Variants in MALRD1 observed in about 807,000 individuals in gnomAD.
The protein encoded by MALRD1 is MAM and LDL-receptor class A domain-containing protein 1.
Under a neutral mutation model 242.1 loss-of-function variants are expected in MALRD1, and 247 were observed. The observed-to-expected ratio is 1.02, with a 90% CI of 0.92 to 1.13. The LOEUF (loss-of-function observed/expected upper bound fraction) is 1.13. Ranked by LOEUF, MALRD1 falls within the 50% of genes most tolerant of loss-of-function variation. The pLI is 0.00. For synonymous variants in MALRD1, 995 were observed against 866.6 expected (o/e 1.15, Z -2.60); for missense variants, 2,989 against 2,533.1 (o/e 1.18, Z -3.86).
chr10:19,116,406 C>T (rs1016610611), intron 5 of MALRD1, among the ~76,000 whole-genome samples: 1 of 152,170 alleles, frequency 6.6e-6, no homozygotes, highest in African/African-American at 2.4e-5. Context: ...AGTTAAATAA[C>T]TAAGGACCTT....
intron 28 of MALRD1, among the ~76,000 whole-genome samples, chr10:19,446,841 A>G (rs1835010764): frequency 6.6e-6 from 1 of 152,110 alleles, no homozygotes; most frequent in South Asian, 2.1e-4. Context: ...GGGTATTGAG[A>G]TTAAAATCTG....
intron 31 of MALRD1, among the ~76,000 whole-genome samples, chr10:19,498,895 C>T (rs1033466966): frequency 6.6e-6 from 1 of 152,102 alleles, no homozygotes; most frequent in African/African-American, 2.4e-5. Context: ...ACTCACTCTA[C>T]CCTAAGGGTG....
At chr10:19,122,048 G>T (rs535104541) in intron 5 of MALRD1, among the ~76,000 whole-genome samples, 2 of 152,218 alleles carry the variant, frequency 1.3e-5, no homozygotes, top group Non-Finnish European at 2.9e-5. Flanking sequence ...CAGCTGCACA[G>T]ATACAGGCTA....
At chr10:19,227,691 A>C (rs1235140965) in intron 18 of MALRD1, among the ~76,000 whole-genome samples, 1 of 152,140 alleles carries the variant, frequency 6.6e-6, no homozygotes, top group Non-Finnish European at 1.5e-5. Flanking sequence ...GGGACAGAAT[A>C]ATTTTAAATA....
intron 31 of MALRD1, among the ~76,000 whole-genome samples, chr10:19,508,184 T>G (rs1833228736): frequency 1.3e-5 from 2 of 152,274 alleles, no homozygotes; most frequent in Admixed American, 6.5e-5. Context: ...CTTTCATTAG[T>G]GTTTTTACTT....
At chr10:19,508,942 T>C (rs545134773) in intron 31 of MALRD1, among the ~76,000 whole-genome samples, 85 of 152,290 alleles carry the variant, frequency 5.6e-4, no homozygotes, top group Middle Eastern at 6.8e-3. Flanking sequence ...CTTTTACTTA[T>C]AAATTTACAC....
chr10:19,670,879 A>T lies in MALRD1; in HGVS notation c.6138-21403A>T, dbSNP rs564704563. Among the ~76,000 whole-genome samples the T allele has an allele frequency of 2.5e-3, 338 of 134,260 alleles. 3 individuals carry two copies. Among genetic ancestry groups the T allele is most frequent in the African/African-American group, 8.6e-3 (307 of 35,704 alleles). The allele number at this position is 134,260 out of a possible 152,430, so 88.1% of individuals were successfully genotyped here. On this transcript the variant is annotated intron_variant, in intron 36 of 39. Coordinates refer to ENST00000454679, the MANE Select transcript of MALRD1 (RefSeq NM_001142308.3). ...ATCTTTATTTCTCAACAAAACAATC[A>T]TTTTTTTTTTTTTTTTTGAGATGGA...
intron 29 of MALRD1, among the ~76,000 whole-genome samples, chr10:19,482,983 C>T (rs1837075284): frequency 6.6e-6 from 1 of 151,836 alleles, no homozygotes. Context: ...CCCAAATAGC[C>T]AGAGTAATCC....
intron 32 of MALRD1, among the ~76,000 whole-genome samples, chr10:19,559,262 T>A (rs1025364029): frequency 5.9e-5 from 9 of 151,960 alleles, no homozygotes; most frequent in Admixed American, 5.9e-4. Context: ...GATGGTTCTT[T>A]TGTCATTTTC....
chr10:19,386,730 A>ACG (rs933109400), intron 26 of MALRD1, among the ~76,000 whole-genome samples: 29 of 149,774 alleles, frequency 1.9e-4, no homozygotes, highest in African/African-American at 7.3e-4. Context: ...ATACACACAC[A>ACG]CACACACACA....
rs1347230914 is a variant in MALRD1 at position 19,607,763 on chromosome 10, T to G, written c.5945-14T>G. The G allele has an allele frequency of 8.6e-7, 1 of 1,165,464 alleles. No individual in the cohort carries two copies. The allele number at this position is 1,165,464 out of a possible 1,614,324, so 72.2% of individuals were successfully genotyped here. A position where few individuals can be genotyped will look rare whatever the true frequency, so the allele number is the denominator to read the frequency against. On this transcript the variant is annotated splice_polypyrimidine_tract_variant and intron_variant, in intron 34 of 39. Coordinates refer to ENST00000454679, the MANE Select transcript of MALRD1 (RefSeq NM_001142308.3). ...ATGCTGGCATCCCTGATCATTATTC[T>G]TTTTTTTTTGCAGCCAACAAAAGCT...
At chr10:19,122,838 G>C (rs978808823) in intron 5 of MALRD1, among the ~76,000 whole-genome samples, 7 of 152,184 alleles carry the variant, frequency 4.6e-5, no homozygotes, top group African/African-American at 1.7e-4. Context: ...CAATTCTCCT[G>C]CCTCAGCCTC....
chr10:19,380,157 T>G (rs1053607738), intron 26 of MALRD1, among the ~76,000 whole-genome samples: 3 of 151,722 alleles, frequency 2.0e-5, no homozygotes, highest in Admixed American at 2.0e-4. Flanking sequence ...GTATTTTTAG[T>G]AGAGACGGGG....
At chr10:19,154,685 A>C (rs547541102) in intron 11 of MALRD1, among the ~76,000 whole-genome samples, 1 of 152,316 alleles carries the variant, frequency 6.6e-6, no homozygotes, top group East Asian at 1.9e-4. Flanking sequence ...TCATTCCATA[A>C]GCTCATATCC....
intron 5 of MALRD1, among the ~76,000 whole-genome samples, chr10:19,108,400 T>C (rs1362103988): frequency 8.4e-4 from 8 of 9,474 alleles, no homozygotes; most frequent in East Asian, 3.4e-3. Flanking sequence ...TTTTTTTTTT[T>C]TTTTTTTTTT....
chr10:19,593,205 A>T (rs1166506882), intron 33 of MALRD1, among the ~76,000 whole-genome samples: 1 of 152,192 alleles, frequency 6.6e-6, no homozygotes, highest in African/African-American at 2.4e-5. Flanking sequence ...TGCTGCTGTG[A>T]TCTCAGGCAG....
At chr10:19,170,992 C>G (rs985254490) in intron 13 of MALRD1, among the ~76,000 whole-genome samples, 1 of 151,940 alleles carries the variant, frequency 6.6e-6, no homozygotes, top group Non-Finnish European at 1.5e-5. Context: ...TCTCTATTTT[C>G]TCTTGGATTC....
In MALRD1 at chr10:19,498,756, C is replaced by T. The variant is rs1837836488; in HGVS notation, c.5320+110C>T. 2.4e-6 allele frequency: 3 copies of T among 1,274,546 alleles called. 1 individual carries two copies. Among genetic ancestry groups the T allele is most frequent in the Non-Finnish European group, 3.2e-6 (3 of 951,940 alleles). 79.0% of individuals were successfully genotyped at this position (1,274,546 alleles called of 1,614,324 possible). On this transcript the variant is annotated intron_variant, in intron 31 of 39. Coordinates refer to ENST00000454679, the MANE Select transcript of MALRD1 (RefSeq NM_001142308.3). ...TTCTTATGTGTATGTGGGGACAGAG[C>T]TCAGTAGGTTTTATGGAAAGAGGGC...
intron 29 of MALRD1, among the ~76,000 whole-genome samples, chr10:19,471,088 A>G (rs1836467316): frequency 6.6e-6 from 1 of 151,670 alleles, no homozygotes; most frequent in Admixed American, 6.6e-5. Context: ...TTTCATTTTA[A>G]TCCATTTGAG....
Sources: gnomAD v4.1 joint callset for allele counts (sites outside exome capture counted in the v4.1 genomes callset) on GRCh38, gnomAD v4.1.1 for gene constraint, MANE v1.5 for transcripts, NCBI Gene and HGNC (gene_info 2026-07-23, HGNC 2026-07-21) for gene names.